The following APLF variants were observed in gnomAD, a reference collection of about 807,000 sequenced individuals.
APLF encodes the protein aprataxin and PNK-like factor.
Under a neutral mutation model 55.6 loss-of-function variants are expected in APLF, and 61 were observed. The ratio of observed to expected loss-of-function variants is 1.10; its 90% CI spans 0.89 to 1.36. The LOEUF (loss-of-function observed/expected upper bound fraction) is 1.36. APLF is among the 40% of genes most tolerant of loss of function. The probability of loss-of-function intolerance (pLI) is 0.00; values close to 1 mark genes in which losing one functional copy is unlikely to be tolerated. For synonymous variants in APLF, 207 were observed against 214.8 expected (o/e 0.96, Z 0.32); for missense variants, 611 against 602.5 (o/e 1.01, Z -0.15).
intron 6 of APLF, chr2:68,528,111 C>T (rs1670132172): frequency 5.3e-6 from 3 of 565,642 alleles, no homozygotes; most frequent in Non-Finnish European, 9.5e-6. Flanking sequence ...AGCAGCCGGG[C>T]AGAGGTGCTC....
At chr2:68,512,220 C>A (rs983849006) in intron 3 of APLF, among the ~76,000 whole-genome samples, 2 of 151,642 alleles carry the variant, frequency 1.3e-5, no homozygotes, top group African/African-American at 4.8e-5. Flanking sequence ...CACTCCACCC[C>A]CAATCCCTGG....
At chr2:68,513,268 C>T (rs781773282) in intron 4 of APLF, 41 bp downstream of exon 4, 1 of 1,558,612 alleles carries the variant, frequency 6.4e-7, no homozygotes, top group South Asian at 1.2e-5. Flanking sequence ...ACATGTTCTT[C>T]AAGTTATTAT....
intron 5 of APLF, among the ~76,000 whole-genome samples, chr2:68,521,620 A>G (rs1669899796): frequency 6.6e-6 from 1 of 151,894 alleles, no homozygotes; most frequent in East Asian, 1.9e-4. Flanking sequence ...CCAGGCCACA[A>G]GACTAATCAT....
rs747306345 is a variant in APLF at position 68,526,135 on chromosome 2, A to G, written c.697A>G (p.Arg233Gly). Residue 233 changes from arginine (R) to glycine (G), a missense_variant, in exon 6 of 10, where the codon AGA becomes GGA. Arg to Gly is a moderately radical substitution (Grantham distance 125, BLOSUM62 -2). Transcript: ENST00000303795. ...KSQLNTTQQGRRQLISSGSSE... is the reference protein window; with the variant it reads ...KSQLNTTQQGGRQLISSGSSE... ...CCAGCTAAACACAACCCAGCAAGGA[A>G]GAAGGCAATTAATTTCATCAGGAAG... The G allele has an allele frequency of 1.8e-5, 29 of 1,613,886 alleles. No individual in the cohort carries two copies. Among genetic ancestry groups the G allele is most frequent in the Non-Finnish European group, 2.4e-5 (28 of 1,180,002 alleles).
At chr2:68,508,995 T>C (rs1676960116) in intron 3 of APLF, among the ~76,000 whole-genome samples, 1 of 152,008 alleles carries the variant, frequency 6.6e-6, no homozygotes, top group Non-Finnish European at 1.5e-5. Context: ...TAATAAATGG[T>C]GCTGGGAAAA....
At chr2:68,549,829 T>G (rs1257985609) in intron 8 of APLF, among the ~76,000 whole-genome samples, 1 of 152,184 alleles carries the variant, frequency 6.6e-6, no homozygotes, top group Non-Finnish European at 1.5e-5. Flanking sequence ...AGCTGTAAAT[T>G]TGTCCTCAGT....
intron 2 of APLF, among the ~76,000 whole-genome samples, chr2:68,501,077 T>G (rs1676705556): frequency 6.6e-6 from 1 of 152,220 alleles, no homozygotes; most frequent in Admixed American, 6.5e-5. Context: ...TGTGTATAGT[T>G]TGACTAATAA....
intron 7 of APLF, among the ~76,000 whole-genome samples, chr2:68,539,715 A>T (rs1483911825): frequency 1.3e-5 from 2 of 152,176 alleles, no homozygotes; most frequent in African/African-American, 4.8e-5. Context: ...TTATGAAAAA[A>T]ATTCTTAATT....
intron 8 of APLF, among the ~76,000 whole-genome samples, chr2:68,564,731 T>C (rs564290365): frequency 5.9e-5 from 9 of 152,172 alleles, no homozygotes; most frequent in African/African-American, 2.2e-4. Context: ...ATGGGGTCTT[T>C]CTGACTATAG....
chr2:68,488,367 G>A (rs1343290815), intron 1 of APLF, among the ~76,000 whole-genome samples: 5 of 138,436 alleles, frequency 3.6e-5, no homozygotes, highest in Admixed American at 7.5e-5. Context: ...GTCTCACCGT[G>A]TCCCCCAGGC....
intron 1 of APLF, among the ~76,000 whole-genome samples, chr2:68,475,711 T>C (rs552518177): frequency 9.2e-5 from 14 of 152,316 alleles, no homozygotes; most frequent in African/African-American, 3.4e-4. Flanking sequence ...ACTTTTGCTC[T>C]GTTGAAGAAT....
chr2:68,503,225 A>G (rs926679496), intron 3 of APLF, among the ~76,000 whole-genome samples: 9 of 152,170 alleles, frequency 5.9e-5, no homozygotes, highest in Non-Finnish European at 1.3e-4. Context: ...TTAATTCGAA[A>G]TTGACTACCT....
chr2:68,555,560 T>A (rs1479064272), intron 8 of APLF, among the ~76,000 whole-genome samples: 1 of 152,044 alleles, frequency 6.6e-6, no homozygotes, highest in Admixed American at 6.6e-5. Flanking sequence ...TATGAAAAAA[T>A]GCTCAATATC....
intron 8 of APLF, among the ~76,000 whole-genome samples, chr2:68,563,834 TAAA>T (rs1464903314): frequency 3.3e-5 from 5 of 151,954 alleles, no homozygotes; most frequent in Non-Finnish European, 1.5e-5. Flanking sequence ...AAACATATAT[TAAA>T]AGAAGGAGGA....
intron 8 of APLF, among the ~76,000 whole-genome samples, chr2:68,546,968 A>C (rs12713646): frequency 1.3e-5 from 2 of 151,782 alleles, no homozygotes; most frequent in African/African-American, 4.8e-5. Flanking sequence ...GTGTTAACAG[A>C]TGGTATTATT....
intron 5 of APLF, among the ~76,000 whole-genome samples, chr2:68,519,254 T>C (rs184175743): frequency 7.2e-6 from 1 of 139,086 alleles, no homozygotes; most frequent in African/African-American, 2.6e-5. Context: ...ATATATCATT[T>C]ATATATAATA....
At chr2:68,481,629 C>T (rs1675960412) in intron 1 of APLF, among the ~76,000 whole-genome samples, 1 of 152,160 alleles carries the variant, frequency 6.6e-6, no homozygotes, top group South Asian at 2.1e-4. Context: ...GCGCTTCCTG[C>T]ATCTGGATAT....
rs142856238 is a variant in APLF, at chr2:68,502,745, A to G, written c.183A>G (p.Pro61=). The change falls in exon 3 of 10, where the codon CCA becomes CCG. Residue 61 remains proline, a synonymous_variant. Coordinates refer to ENST00000303795, the MANE Select transcript of APLF (RefSeq NM_173545.3). ...QLRIKPIHTN[P]CFYQSSEKSQ... The stretch of plus-strand genomic sequence containing the variant: ...TAATTTGTTAGATACACACAAATCC[A>G]TGTTTTTACCAGTCTTCAGAGAAGA... The G allele has an allele frequency of 5.8e-5, 89 of 1,527,110 alleles. No individual in the cohort carries two copies. The East Asian group carries it at 2.0e-3, about 34-fold the overall frequency. The allele number at this position is 1,527,110 out of a possible 1,614,324, so 94.6% of individuals were successfully genotyped here.
At position 68,541,339 on chromosome 2, in the gene APLF, TAGA is replaced by T. The variant is rs369205889; in HGVS notation, c.1160+3115_1160+3117del. Reference sequence around the variant, plus strand: ...TTTATGTTATATTTAAATATAATATTAGAAGGGTGAAAAGGCAAGGCACAAAGT... The same window carrying T: ...TTTATGTTATATTTAAATATAATATTAGGGTGAAAAGGCAAGGCACAAAGT... On this transcript the variant is annotated intron_variant, in intron 7 of 9. Transcript: ENST00000303795. 5.5e-3 allele frequency among the ~76,000 whole-genome samples: 835 copies of T among 152,174 alleles called. 4 individuals carry two copies. Among genetic ancestry groups the T allele is most frequent in the African/African-American group, 0.019 (798 of 41,520 alleles).
Sources: gnomAD v4.1 joint callset for allele counts (sites outside exome capture counted in the v4.1 genomes callset) on GRCh38, gnomAD v4.1.1 for gene constraint, MANE v1.5 for transcripts, NCBI Gene and HGNC (gene_info 2026-07-23, HGNC 2026-07-21) for gene names.